Variants in DEPTOR observed in about 807,000 individuals in gnomAD.
The protein encoded by DEPTOR is DEP domain containing MTOR interacting protein.
Under a neutral mutation model 41.6 loss-of-function variants are expected in DEPTOR, and 41 were observed. That is an observed-to-expected ratio of 0.98 (90% CI 0.77 to 1.28). The LOEUF (loss-of-function observed/expected upper bound fraction) is 1.28, where lower values mean the gene tolerates loss of function less well. Ranked by LOEUF, DEPTOR falls within the 50% of genes most tolerant of loss-of-function variation. The pLI is 0.00. For synonymous variants in DEPTOR, 195 were observed against 192.3 expected (o/e 1.01, Z -0.12); for missense variants, 514 against 527.9 (o/e 0.97, Z 0.26).
intron 7 of DEPTOR, among the ~76,000 whole-genome samples, chr8:120,007,223 C>T (rs558856640): frequency 6.0e-4 from 91 of 152,162 alleles, no homozygotes; most frequent in African/African-American, 2.1e-3. Flanking sequence ...TATTTCCCAC[C>T]ATTAGTCATT....
rs1167946510 is a variant in DEPTOR at position 119,900,350 on chromosome 8, A to G, written c.122+26382A>G. Reference sequence around the variant, plus strand: ...AAAAAAAAAAAAAGAAAAAAAAAAAAAAACTAAATGTCTATTACACACCCC... The same window carrying G: ...AAAAAAAAAAAAAGAAAAAAAAAAAGAAACTAAATGTCTATTACACACCCC... On this transcript the variant is annotated intron_variant, in intron 1 of 8. Transcript: ENST00000286234. Among the ~76,000 whole-genome samples the G allele has an allele frequency of 3.0e-5, 3 of 100,058 alleles. No homozygotes were observed. The East Asian group carries it at 2.7e-3, about 91-fold the overall frequency. 65.6% of individuals were successfully genotyped at this position (100,058 alleles called of 152,430 possible).
intron 1 of DEPTOR, among the ~76,000 whole-genome samples, chr8:119,879,683 C>T (rs558189447): frequency 1.3e-5 from 2 of 151,762 alleles, no homozygotes; most frequent in African/African-American, 4.8e-5. Context: ...GACACTCCAG[C>T]CTGGGTGACA....
intron 1 of DEPTOR, among the ~76,000 whole-genome samples, chr8:119,926,321 C>G (rs1334916355): frequency 6.6e-6 from 1 of 152,116 alleles, no homozygotes; most frequent in African/African-American, 2.4e-5. Flanking sequence ...CTAGCTTTCC[C>G]TAGAAGAGGA....
intron 4 of DEPTOR, among the ~76,000 whole-genome samples, chr8:119,974,320 A>G (rs1828671001): frequency 6.7e-6 from 1 of 149,850 alleles, no homozygotes. Flanking sequence ...AGGAGGAAAA[A>G]TAATTTTTTC....
chr8:119,918,876 G>A (rs1414055247), intron 1 of DEPTOR, among the ~76,000 whole-genome samples: 1 of 152,080 alleles, frequency 6.6e-6, no homozygotes, highest in African/African-American at 2.4e-5. Flanking sequence ...CTACAGGCCT[G>A]AGCCACCGCG....
intron 4 of DEPTOR, among the ~76,000 whole-genome samples, chr8:119,994,570 G>C (rs1363118920): frequency 6.6e-6 from 1 of 152,070 alleles, no homozygotes; most frequent in African/African-American, 2.4e-5. Flanking sequence ...GATTTCATAC[G>C]TTTTTCATAG....
intron 4 of DEPTOR, among the ~76,000 whole-genome samples, chr8:119,996,334 T>C (rs1347731021): frequency 6.6e-6 from 1 of 152,146 alleles, no homozygotes; most frequent in Non-Finnish European, 1.5e-5. Flanking sequence ...ACAACAGTGG[T>C]TGTAAAATAA....
chr8:119,891,888 C>A (rs935429089), intron 1 of DEPTOR, among the ~76,000 whole-genome samples: 3 of 152,216 alleles, frequency 2.0e-5, no homozygotes, highest in African/African-American at 7.2e-5. Flanking sequence ...GCAAAATGTT[C>A]TTTACTTGCA....
chr8:119,965,575 T>G (rs746491582), intron 4 of DEPTOR, among the ~76,000 whole-genome samples, 165 bp downstream of exon 4: 5 of 152,234 alleles, frequency 3.3e-5, no homozygotes, highest in Non-Finnish European at 4.4e-5. Flanking sequence ...AGGTCTGTGC[T>G]CCACGCCTTT....
At chr8:119,942,929 G>A (rs1165008491) in intron 3 of DEPTOR, among the ~76,000 whole-genome samples, 1 of 152,220 alleles carries the variant, frequency 6.6e-6, no homozygotes, top group Non-Finnish European at 1.5e-5. Flanking sequence ...AATGCATGTA[G>A]TCTAAAGTAT....
rs1827551735 is a variant in DEPTOR, at chr8:119,898,741, G to A, written c.122+24773G>A. On this transcript the variant is annotated intron_variant, in intron 1 of 8. Coordinates refer to ENST00000286234, the MANE Select transcript of DEPTOR (RefSeq NM_022783.4). ...AAAATAAAAACTAAAAAAAAAAAAA[G>A]CCTTATATTTTAGGAAAGCAAGCTT... Among the ~76,000 whole-genome samples the A allele has an allele frequency of 4.7e-5, 7 of 148,860 alleles. 1 individual carries two copies. In the South Asian group the frequency reaches 1.5e-3, roughly 33 times the overall value.
intron 8 of DEPTOR, among the ~76,000 whole-genome samples, chr8:120,028,109 G>T (rs747183066): frequency 5.3e-5 from 8 of 152,148 alleles, no homozygotes; most frequent in Non-Finnish European, 1.2e-4. Context: ...GTGTTCCACA[G>T]TTTGTTTATG....
chr8:119,984,173 G>A (rs1042234836), intron 4 of DEPTOR, among the ~76,000 whole-genome samples: 1 of 152,020 alleles, frequency 6.6e-6, no homozygotes, highest in African/African-American at 2.4e-5. Flanking sequence ...ATATCCTTTT[G>A]GCCCTGACAC....
chr8:120,036,215 G>A (rs1244197003), intron 8 of DEPTOR, among the ~76,000 whole-genome samples: 1 of 152,216 alleles, frequency 6.6e-6, no homozygotes, highest in African/African-American at 2.4e-5. Context: ...GATTCTGTAT[G>A]AGACCAGCAG....
chr8:120,002,948 T>TG (rs1206797783), intron 5 of DEPTOR, 29 bp from the exon 6 acceptor site: 1 of 1,548,418 alleles, frequency 6.5e-7, no homozygotes, highest in Admixed American at 2.0e-5. Context: ...ACCCCCTTGG[T>TG]GACTGTGTGT....
rs796599545 is a variant in DEPTOR, at chr8:119,962,018, A to G, written c.426-3214A>G. 4.0e-5 allele frequency among the ~76,000 whole-genome samples: 6 copies of G among 150,920 alleles called. No individual in the cohort carries two copies. In the South Asian group the frequency reaches 1.3e-3, roughly 32 times the overall value. Reference sequence around the variant, plus strand: ...CACTTTGAGAGGCCAAGGCCAGCAGATCACTTGAGGTCAGGAGTTTGAGAC... The same window carrying G: ...CACTTTGAGAGGCCAAGGCCAGCAGGTCACTTGAGGTCAGGAGTTTGAGAC... On this transcript the variant is annotated intron_variant, in intron 3 of 8. Coordinates refer to ENST00000286234, the MANE Select transcript of DEPTOR (RefSeq NM_022783.4).
chr8:119,917,585 CT>C lies in DEPTOR; in HGVS notation c.123-10814del, dbSNP rs1359366626. Among the ~76,000 whole-genome samples, 13 of 152,320 alleles carry C rather than the reference CT, an allele frequency of 8.5e-5. No homozygotes were observed. In the East Asian group the frequency reaches 2.5e-3, roughly 29 times the overall value. ...CTCAAGTACCCAGGGAAAGAAAGCA[CT>C]GCAGAAGGCTGCAGGGACCTCTGCC... On this transcript the variant is annotated intron_variant, in intron 1 of 8. Coordinates refer to ENST00000286234, the MANE Select transcript of DEPTOR (RefSeq NM_022783.4).
chr8:120,016,457 C>A (rs1455377549), intron 8 of DEPTOR, among the ~76,000 whole-genome samples: 1 of 152,006 alleles, frequency 6.6e-6, no homozygotes, highest in Non-Finnish European at 1.5e-5. Flanking sequence ...TACCACCACA[C>A]CCAGCTAATT....
chr8:119,912,312 C>A (rs1162941940), intron 1 of DEPTOR, among the ~76,000 whole-genome samples: 1 of 152,104 alleles, frequency 6.6e-6, no homozygotes, highest in Non-Finnish European at 1.5e-5. Context: ...CACACAATTC[C>A]CTAACATATA....
Sources: allele counts gnomAD v4.1 joint callset (sites outside exome capture counted in the v4.1 genomes callset), GRCh38; gene constraint gnomAD v4.1.1; transcripts MANE v1.5; gene names NCBI Gene and HGNC (gene_info 2026-07-23, HGNC 2026-07-21).